Variants in CENPH observed in about 807,000 individuals in gnomAD.
CENPH encodes the protein centromere protein H.
CENPH carries 40 observed loss-of-function variants against 42.9 expected under a neutral mutation model. That is an observed-to-expected ratio of 0.93 (90% CI 0.72 to 1.21). The LOEUF is 1.21. CENPH is among the 50% of genes most tolerant of loss of function. CENPH has a pLI of 0.00. For synonymous variants in CENPH, 88 were observed against 96.5 expected, an observed-to-expected ratio of 0.91 and a Z score of 0.52; for missense variants, 302 against 292.9, an observed-to-expected ratio of 1.03 and a Z score of -0.23.
chr5:69,207,480 T>C (rs1200694054), intron 7 of CENPH, among the ~76,000 whole-genome samples: 1 of 147,438 alleles, frequency 6.8e-6, no homozygotes. Context: ...TGAGCCACCG[T>C]GCCTGGCCAA....
chr5:69,202,475 TTAA>T (rs778882482), intron 5 of CENPH, 28 bp from the exon 6 acceptor site: 10 of 1,292,558 alleles, frequency 7.7e-6, no homozygotes, highest in African/African-American at 3.0e-5. Flanking sequence ...ACAAATAACC[TTAA>T]TAAATCATCT....
chr5:69,194,299 C>T (rs1275479535), intron 2 of CENPH, among the ~76,000 whole-genome samples: 2 of 152,158 alleles, frequency 1.3e-5, no homozygotes, highest in Non-Finnish European at 2.9e-5. Context: ...GCTGGGACTA[C>T]AGGCATGCAC....
intron 5 of CENPH, among the ~76,000 whole-genome samples, chr5:69,200,112 CAAA>C (rs373894870): frequency 3.9e-5 from 2 of 51,402 alleles, no homozygotes; most frequent in African/African-American, 7.0e-5. Flanking sequence ...GACTCTGTCT[CAAA>C]AAAAAAAAAA....
chr5:69,198,622 CTT>C (rs1008470511), intron 5 of CENPH, among the ~76,000 whole-genome samples: 1 of 152,116 alleles, frequency 6.6e-6, no homozygotes, highest in Admixed American at 6.6e-5. Flanking sequence ...ACACTCATAA[CTT>C]TTTCTCTCCC....
At position 69,189,609 on chromosome 5, in the gene CENPH, G is replaced by GT; in HGVS notation, c.-25dup. On this transcript the variant is annotated 5_prime_UTR_variant, in exon 1 of 9. Coordinates refer to ENST00000283006, the MANE Select transcript of CENPH (RefSeq NM_022909.4). ...TTTTCTGAGCGCGTTTGCCTGTTGAGTGGTAGCCTTTCCCCTCAACCAGCA... is the reference window on the plus strand; with the variant it reads ...TTTTCTGAGCGCGTTTGCCTGTTGAGTTGGTAGCCTTTCCCCTCAACCAGCA... The GT allele has an allele frequency of 6.3e-7, 1 of 1,578,450 alleles. No homozygotes were observed. Among genetic ancestry groups the GT allele is most frequent in the Non-Finnish European group, 8.6e-7 (1 of 1,166,336 alleles).
intron 7 of CENPH, among the ~76,000 whole-genome samples, chr5:69,205,541 G>A (rs1748140459): frequency 6.6e-6 from 1 of 151,372 alleles, no homozygotes; most frequent in Admixed American, 6.6e-5. Flanking sequence ...TGTTTTTTGA[G>A]ACAGGGTCTT....
At chr5:69,192,894 C>G (rs1186450905) in intron 2 of CENPH, among the ~76,000 whole-genome samples, 1 of 152,034 alleles carries the variant, frequency 6.6e-6, no homozygotes, top group African/African-American at 2.4e-5. Flanking sequence ...GTCAGGAGTT[C>G]GAGACCAGCC....
At position 69,210,001 on chromosome 5, in the gene CENPH, T is replaced by G. The variant is rs1455887812; in HGVS notation, c.*202T>G. The G allele has an allele frequency of 8.2e-6, 3 of 367,306 alleles. No homozygotes were observed. Among genetic ancestry groups the G allele is most frequent in the East Asian group, 9.5e-5 (2 of 21,152 alleles). The allele number at this position is 367,306 out of a possible 1,614,324, so 22.8% of individuals were successfully genotyped here. A position where few individuals can be genotyped will look rare whatever the true frequency, so the allele number is the denominator to read the frequency against. ...TATATTTCTATATTTAGTTTGTTTT[T>G]TTGTTGTTGTTGTTTTTTGAGATGG... On this transcript the variant is annotated 3_prime_UTR_variant, in exon 9 of 9. Transcript: ENST00000283006.
At chr5:69,191,886 T>TTTGC (rs1561320590) in intron 2 of CENPH, 36 bp downstream of exon 2, 1 of 1,214,594 alleles carries the variant, frequency 8.2e-7, no homozygotes, top group South Asian at 1.2e-5. Flanking sequence ...GGTTTTGTTG[T>TTTGC]TTGTTTGTTT....
intron 5 of CENPH, among the ~76,000 whole-genome samples, chr5:69,197,913 CTTTTTTTTTTTTTTT>C (rs1172938522): frequency 2.7e-5 from 2 of 74,132 alleles, no homozygotes; most frequent in Non-Finnish European, 4.8e-5. Flanking sequence ...TACCTATGAT[CTTTTTTTTTTTTTTT>C]TTTTTTTTTT....
At chr5:69,194,754 A>G (rs907535758) in intron 3 of CENPH, 59 bp downstream of exon 3, 1 of 1,124,114 alleles carries the variant, frequency 8.9e-7, no homozygotes, top group East Asian at 2.6e-5. Context: ...CATATTTTCT[A>G]TTATTTTGTT....
At position 69,209,985 on chromosome 5, in the gene CENPH, ATATT is replaced by A. The variant is rs550491688; in HGVS notation, c.*189_*192del. 132 of 394,998 alleles carry A rather than the reference ATATT, an allele frequency of 3.3e-4. No homozygotes were observed. The highest frequency in any genetic ancestry group is 2.6e-3 in the African/African-American group (123 of 47,904). 24.5% of individuals were successfully genotyped at this position (394,998 alleles called of 1,614,324 possible). A position where few individuals can be genotyped will look rare whatever the true frequency, so the allele number is the denominator to read the frequency against. On this transcript the variant is annotated 3_prime_UTR_variant, in exon 9 of 9. Transcript: ENST00000283006. ...GTAATTTTTTTCTTTTTATATTTCT[ATATT>A]TAGTTTGTTTTTTTGTTGTTGTTGT...
intron 7 of CENPH, 56 bp from the exon 8 acceptor site, chr5:69,208,140 A>G: frequency 2.2e-6 from 2 of 897,802 alleles, no homozygotes; most frequent in South Asian, 2.5e-5. Context: ...ATTTTTCAAG[A>G]TCCTTGTTTA....
intron 7 of CENPH, among the ~76,000 whole-genome samples, chr5:69,204,409 G>C (rs917450698): frequency 1.3e-5 from 2 of 150,280 alleles, no homozygotes; most frequent in Admixed American, 6.7e-5. Flanking sequence ...TCCCACCTCA[G>C]CTCCCAAGTA....
intron 7 of CENPH, chr5:69,207,893 G>A (rs538544468): frequency 5.8e-6 from 1 of 173,820 alleles, no homozygotes; most frequent in Non-Finnish European, 1.2e-5. Context: ...ACCTATTTTG[G>A]CAACCCAAAA....
intron 5 of CENPH, among the ~76,000 whole-genome samples, chr5:69,198,400 G>C (rs144765586): frequency 2.7e-5 from 4 of 150,870 alleles, no homozygotes. Flanking sequence ...AGCAATTCTC[G>C]TGCCTCAGCC....
intron 1 of CENPH, 102 bp from the exon 2 acceptor site, chr5:69,191,693 T>C: frequency 2.8e-6 from 2 of 703,726 alleles, no homozygotes; most frequent in Non-Finnish European, 5.1e-6. Context: ...TTTATTTTGT[T>C]GTATCAGCTT....
At chr5:69,206,493 GT>G (rs1425782504) in intron 7 of CENPH, among the ~76,000 whole-genome samples, 1 of 150,882 alleles carries the variant, frequency 6.6e-6, no homozygotes, top group East Asian at 1.9e-4. Context: ...TGTTTTGTTT[GT>G]TTGTTTTTAT....
In CENPH at chr5:69,208,191, A is replaced by G. The variant is rs1748191364; in HGVS notation, c.488-5A>G. The G allele has an allele frequency of 1.4e-6, 2 of 1,462,378 alleles. No homozygotes were observed. The highest frequency in any genetic ancestry group is 2.4e-5 in the South Asian group (2 of 83,888). The allele number at this position is 1,462,378 out of a possible 1,614,324, so 90.6% of individuals were successfully genotyped here. ...TGGTATATTATTTTATTTTTAACCT[A>G]ACAGAATTAAAACAAGCTTCAGAAA... On this transcript the variant is annotated splice_region_variant and splice_polypyrimidine_tract_variant and intron_variant, in intron 7 of 8. Transcript: ENST00000283006.
Sources: gnomAD v4.1 joint callset for allele counts (sites outside exome capture counted in the v4.1 genomes callset) on GRCh38, gnomAD v4.1.1 for gene constraint, MANE v1.5 for transcripts, NCBI Gene and HGNC (gene_info 2026-07-23, HGNC 2026-07-21) for gene names.